Variants in TBCD observed in about 807,000 individuals in gnomAD.
TBCD encodes the protein tubulin folding cofactor D, also known as tubulin-specific chaperone D.
Under a neutral mutation model 169.3 loss-of-function variants are expected in TBCD, and 105 were observed. That is an observed-to-expected ratio of 0.62 (90% CI 0.53 to 0.73). The LOEUF (loss-of-function observed/expected upper bound fraction) is 0.73, where lower values mean the gene tolerates loss of function less well. TBCD is among the 30% of genes least tolerant of loss of function. TBCD has a pLI of 0.00. For missense variants in TBCD, 1,444 were observed against 1,600.1 expected (o/e 0.90, Z 1.66); for synonymous variants, 700 against 643.9 (o/e 1.09, Z -1.32).
intron 32 of TBCD, chr17:82,929,894 G>A (rs555218073): frequency 1.1e-4 from 41 of 378,690 alleles, no homozygotes; most frequent in African/African-American, 8.1e-4. Flanking sequence ...TCATGTCTGT[G>A]GGGAGGGTCT....
At chr17:82,768,339 G>A in intron 4 of TBCD, 81 bp from the exon 5 acceptor site, 1 of 1,542,404 alleles carries the variant, frequency 6.5e-7, no homozygotes, top group Non-Finnish European at 8.9e-7. Context: ...GGGCATGGAG[G>A]GCAGTGACTT....
In TBCD at chr17:82,930,695, C is replaced by G. The variant is rs2147335213; in HGVS notation, c.3113+52C>G. 1.9e-6 allele frequency: 3 copies of G among 1,611,096 alleles called. No individual in the cohort carries two copies. The highest frequency in any genetic ancestry group is 1.1e-5 in the South Asian group (1 of 90,842). On this transcript the variant is annotated intron_variant, in intron 33 of 38. Transcript: ENST00000355528. This position sits in a 1 kb window ranked among gnomAD's most constrained non-coding sequence, Gnocchi z 5.2. ...AGGCGTGAGTGGTGCTGGTGCCTCT[C>G]ACCACGTTCCCACAGATTCCCGGGG...
At chr17:82,926,926 A>T (rs1408121143) in intron 28 of TBCD, 2 of 550,766 alleles carry the variant, frequency 3.6e-6, no homozygotes, top group East Asian at 3.2e-5. Context: ...CCCTCTAGTC[A>T]GGGTGGGAAG....
intron 30 of TBCD, 63 bp downstream of exon 30, chr17:82,928,051 C>T (rs1319388920): frequency 2.6e-5 from 38 of 1,480,882 alleles, no homozygotes; most frequent in South Asian, 5.7e-5. Flanking sequence ...GGGAGGCTGG[C>T]GGGGCGGGCG....
At chr17:82,906,836 T>C (rs1489102594) in intron 20 of TBCD, among the ~76,000 whole-genome samples, 1 of 152,154 alleles carries the variant, frequency 6.6e-6, no homozygotes, top group Admixed American at 6.5e-5. Context: ...CGCTCGCTCG[T>C]GTGGGTGCAG....
At chr17:82,797,514 G>A (rs2050185926) in intron 7 of TBCD, among the ~76,000 whole-genome samples, 1 of 152,174 alleles carries the variant, frequency 6.6e-6, no homozygotes, top group Non-Finnish European at 1.5e-5. Context: ...AGAGGCTGCA[G>A]TCTCCATGAG....
chr17:82,833,061 C>T lies in TBCD; in HGVS notation c.1318+18127C>T, dbSNP rs1425155022. 1.3e-5 allele frequency among the ~76,000 whole-genome samples: 2 copies of T among 152,182 alleles called. No individual in the cohort carries two copies. Among genetic ancestry groups the T allele is most frequent in the East Asian group, 1.9e-4 (1 of 5,164 alleles). On this transcript the variant is annotated intron_variant, in intron 13 of 38. Transcript: ENST00000355528. This position sits in a 1 kb window ranked among gnomAD's most constrained non-coding sequence, Gnocchi z 4.7. ...GACAGAGTCCTGTCCCAGGGCTGCC[C>T]GACTCTGCTTGGGGGTTACACGCTT... is the stretch of plus-strand genomic sequence containing the variant.
chr17:82,788,717 A>C (rs921163875), intron 7 of TBCD, among the ~76,000 whole-genome samples: 1 of 151,908 alleles, frequency 6.6e-6, no homozygotes, highest in African/African-American at 2.4e-5. Flanking sequence ...CCCAAGTAGG[A>C]GTGGTTGTGG....
intron 23 of TBCD, among the ~76,000 whole-genome samples, chr17:82,916,678 A>T (rs186058427): frequency 7.0e-4 from 106 of 152,334 alleles, no homozygotes; most frequent in African/African-American, 2.4e-3. Context: ...TATTGGAGAC[A>T]ATCTTTTAAG....
At position 82,768,512 on chromosome 17, in the gene TBCD, C is replaced by T. The variant is rs1162872871; in HGVS notation, c.528C>T (p.Thr176=). The T allele has an allele frequency of 6.2e-7, 1 of 1,613,876 alleles. No homozygotes were observed. Among genetic ancestry groups the T allele is most frequent in the East Asian group, 2.2e-5 (1 of 44,904 alleles). ...DFSRLDGNLL[T]QPGQARMSIM... ...CTCGCCTTGACGGGAACCTCCTCAC[C>T]CAGCCTGGGCAAGCACGAATGTCCA... The change falls in exon 5 of 39, where the codon ACC becomes ACT. Residue 176 remains threonine (T), a synonymous_variant. Transcript: ENST00000355528.
In TBCD at chr17:82,903,619, C is replaced by G; in HGVS notation, c.1804+141C>G. On this transcript the variant is annotated intron_variant, in intron 19 of 38. Transcript: ENST00000355528. This position sits in a 1 kb window ranked among gnomAD's most constrained non-coding sequence, Gnocchi z 4.8. ...AAGCATCTGAGGAAAGAGCTGTGGA[C>G]TTGATCAGTGGATAGGCTGTGAGGA... The G allele has an allele frequency of 1.1e-6, 1 of 877,048 alleles. No individual in the cohort carries two copies. Among genetic ancestry groups the G allele is most frequent in the East Asian group, 2.7e-5 (1 of 37,428 alleles). 54.3% of individuals were successfully genotyped at this position (877,048 alleles called of 1,614,324 possible). A position where few individuals can be genotyped will look rare whatever the true frequency, so the allele number is the denominator to read the frequency against.
chr17:82,895,377 T>C (rs1440549065), intron 17 of TBCD, among the ~76,000 whole-genome samples: 2 of 152,182 alleles, frequency 1.3e-5, no homozygotes, highest in African/African-American at 4.8e-5. Context: ...GCAGTGGTCC[T>C]GTTCAGCAGA....
intron 5 of TBCD, among the ~76,000 whole-genome samples, chr17:82,771,872 C>T (rs917403966): frequency 3.3e-5 from 5 of 151,210 alleles, no homozygotes; most frequent in African/African-American, 9.7e-5. Context: ...TGCAGTGAGC[C>T]GAGATCGCGC....
chr17:82,924,512 A>G (rs1344253271), intron 26 of TBCD, among the ~76,000 whole-genome samples: 2 of 152,204 alleles, frequency 1.3e-5, no homozygotes, highest in Non-Finnish European at 2.9e-5. Flanking sequence ...ACATGCACAT[A>G]TGTTGGCCCA....
At chr17:82,778,718 A>G (rs1213632723) in intron 6 of TBCD, among the ~76,000 whole-genome samples, 1 of 98,112 alleles carries the variant, frequency 1.0e-5, no homozygotes, top group African/African-American at 4.2e-5. Flanking sequence ...CTGGAGTGCA[A>G]TGGCGTGATC....
intron 27 of TBCD, among the ~76,000 whole-genome samples, 155 bp downstream of exon 27, chr17:82,925,212 G>C (rs780579096): frequency 6.6e-6 from 1 of 152,246 alleles, no homozygotes; most frequent in Non-Finnish European, 1.5e-5. Context: ...CAGGAGGAAG[G>C]GGGCAGAGGG....
In TBCD at chr17:82,831,065, A is replaced by G. The variant is rs929960487; in HGVS notation, c.1318+16131A>G. The stretch of plus-strand genomic sequence containing the variant: ...GTCTCAGCAGCCTGGGCAGGTAGGC[A>G]TTCTGTGCTTTTCTTAACAGGCCTG... On this transcript the variant is annotated intron_variant, in intron 13 of 38. Coordinates refer to ENST00000355528, the MANE Select transcript of TBCD (RefSeq NM_005993.5). This position sits in a 1 kb window ranked among gnomAD's most constrained non-coding sequence, Gnocchi z 4.6. 3 of 1,614,178 alleles carry G rather than the reference A, an allele frequency of 1.9e-6. No individual in the cohort carries two copies. The highest frequency in any genetic ancestry group is 1.3e-5 in the African/African-American group (1 of 75,056).
rs544883158 is a variant in TBCD at position 82,874,245 on chromosome 17, G to A, written c.1475+3865G>A. 1.3e-5 allele frequency among the ~76,000 whole-genome samples: 2 copies of A among 152,294 alleles called. No homozygotes were observed. Among genetic ancestry groups the A allele is most frequent in the South Asian group, 4.1e-4 (2 of 4,830 alleles). Reference sequence around the variant, plus strand: ...TGGGACTCCTGAGTTTCTCAGGCCTGAAGGACTGTAGGACGCACTGTGGGC... The same window carrying A: ...TGGGACTCCTGAGTTTCTCAGGCCTAAAGGACTGTAGGACGCACTGTGGGC... On this transcript the variant is annotated intron_variant, in intron 14 of 38. Transcript: ENST00000355528. This position sits in a 1 kb window ranked among gnomAD's most constrained non-coding sequence, Gnocchi z 5.0.
intron 9 of TBCD, among the ~76,000 whole-genome samples, chr17:82,802,035 G>A (rs1175131512): frequency 4.2e-5 from 6 of 142,434 alleles, no homozygotes; most frequent in Non-Finnish European, 9.3e-5. Flanking sequence ...GCTCAGAGGC[G>A]GTGCGGCCTC....
Sources: allele counts gnomAD v4.1 joint callset (sites outside exome capture counted in the v4.1 genomes callset), GRCh38; gene constraint gnomAD v4.1.1; non-coding constraint Gnocchi (gnomAD v3.1); transcripts MANE v1.5; gene names NCBI Gene and HGNC (gene_info 2026-07-23, HGNC 2026-07-21).